The following FRMPD4 variants were observed in gnomAD, a reference collection of about 807,000 sequenced individuals.
FRMPD4 encodes the protein FERM and PDZ domain containing 4.
FRMPD4 carries 22 observed loss-of-function variants against 94.1 expected under a neutral mutation model. That is an observed-to-expected ratio of 0.23 (90% CI 0.17 to 0.33). The LOEUF (loss-of-function observed/expected upper bound fraction) is 0.33, where lower values mean the gene tolerates loss of function less well. Among genes scored for constraint, FRMPD4 ranks in the 10% least tolerant of loss-of-function variants. FRMPD4 has a pLI of 1.00. For synonymous variants in FRMPD4, 631 were observed against 548.6 expected (o/e 1.15, Z -2.10); for missense variants, 1,111 against 1,339.9 (o/e 0.83, Z 2.67).
At chrX:11,928,865 G>A (rs770547388) in intron 3 of FRMPD4, among the ~76,000 whole-genome samples, 14 of 112,511 alleles carry the variant, frequency 1.2e-4, no homozygotes, top group South Asian at 3.7e-4. Flanking sequence ...AAACCTAAAC[G>A]CCCATCAATG....
chrX:12,419,420 G>C (rs889951819), intron 1 of FRMPD4, among the ~76,000 whole-genome samples: 42 of 111,952 alleles, frequency 3.8e-4, no homozygotes, highest in African/African-American at 1.2e-3. Context: ...TGGAAAATAT[G>C]GTTATGTTTT....
chrX:12,550,847 A>C (rs2058529079), intron 2 of FRMPD4, among the ~76,000 whole-genome samples: 1 of 111,078 alleles, frequency 9.0e-6, no homozygotes, highest in African/African-American at 3.3e-5. Flanking sequence ...ATATAAGAAT[A>C]TAGCAAATAT....
intron 3 of FRMPD4, among the ~76,000 whole-genome samples, chrX:12,044,787 T>C (rs192310527): frequency 8.9e-6 from 1 of 112,449 alleles, no homozygotes; most frequent in East Asian, 2.8e-4. Flanking sequence ...TATCATAGGC[T>C]CTCTGAATTT....
chrX:12,403,673 C>T (rs1403514685), intron 1 of FRMPD4, among the ~76,000 whole-genome samples: 3 of 111,394 alleles, frequency 2.7e-5, no homozygotes, highest in Non-Finnish European at 5.7e-5. Flanking sequence ...CAGTAAATAC[C>T]TGTTGAATAT....
rs541252700 is a variant in FRMPD4, at chrX:12,594,638, C to T, written c.159-15083C>T. Among the ~76,000 whole-genome samples the T allele has an allele frequency of 4.9e-4, 54 of 109,897 alleles. No individual in the cohort carries two copies. In the South Asian group the frequency reaches 0.02, roughly 40 times the overall value. On this transcript the variant is annotated intron_variant, in intron 2 of 16. Transcript: ENST00000675598. ...TCTTAGTAGAGATGGGGTTTCACCG[C>T]GTTAGCCAGGATGGTCTCGATCTCC...
chrX:12,531,984 C>A (rs2058290319), intron 2 of FRMPD4, among the ~76,000 whole-genome samples: 1 of 111,843 alleles, frequency 8.9e-6, no homozygotes, highest in Admixed American at 9.5e-5. Context: ...CAAACACTCA[C>A]AATCGATTAA....
chrX:12,107,321 G>A (rs2055308443), intron 3 of FRMPD4, among the ~76,000 whole-genome samples: 1 of 112,114 alleles, frequency 8.9e-6, no homozygotes, highest in Non-Finnish European at 1.9e-5. Flanking sequence ...AACTCCAACA[G>A]ACCTGCAGCT....
intron 3 of FRMPD4, among the ~76,000 whole-genome samples, chrX:12,128,214 T>C (rs755691128): frequency 6.6e-4 from 75 of 113,448 alleles, no homozygotes; most frequent in African/African-American, 2.2e-3. Flanking sequence ...TGCAGCAAAC[T>C]TCTGCCTGGA....
intron 2 of FRMPD4, among the ~76,000 whole-genome samples, chrX:12,539,016 C>T (rs919524783): frequency 1.5e-4 from 17 of 111,615 alleles, no homozygotes; most frequent in African/African-American, 4.9e-4. Flanking sequence ...TCAAACCCAT[C>T]GCAAAGAAGC....
intron 3 of FRMPD4, among the ~76,000 whole-genome samples, chrX:12,058,140 G>A (rs1601908988): frequency 1.8e-5 from 2 of 111,580 alleles, no homozygotes; most frequent in East Asian, 5.6e-4. Context: ...TAGGCCCACA[G>A]ACCAGACAAT....
chrX:12,410,987 G>A lies in FRMPD4; in HGVS notation c.42-87693G>A, dbSNP rs1370864850. 9.0e-5 allele frequency among the ~76,000 whole-genome samples: 10 copies of A among 111,717 alleles called. No homozygotes were observed. The Admixed American group carries it at 9.5e-4, about 11-fold the overall frequency. ...GTTAAGGTATTCCTAAAACTTCATCGCATTCAGAACCCCTTCTGAGTGCCT... is the reference window on the plus strand; with the variant it reads ...GTTAAGGTATTCCTAAAACTTCATCACATTCAGAACCCCTTCTGAGTGCCT... On this transcript the variant is annotated intron_variant, in intron 1 of 16. Transcript: ENST00000675598.
chrX:12,142,453 C>T (rs2055704905), intron 1 of FRMPD4, among the ~76,000 whole-genome samples: 1 of 111,200 alleles, frequency 9.0e-6, no homozygotes, highest in East Asian at 2.8e-4. Context: ...CAGGGTTTTT[C>T]CCATATCCCC....
chrX:11,863,733 A>G (rs1292659715), intron 1 of FRMPD4, among the ~76,000 whole-genome samples: 1 of 112,217 alleles, frequency 8.9e-6, no homozygotes, highest in African/African-American at 3.2e-5. Flanking sequence ...TGAGGTAAAA[A>G]GAATTGATGT....
chrX:12,166,809 T>C (rs2056127947), intron 1 of FRMPD4, among the ~76,000 whole-genome samples: 1 of 112,081 alleles, frequency 8.9e-6, no homozygotes, highest in Non-Finnish European at 1.9e-5. Context: ...AATTTATCCA[T>C]TTCTTCTAGA....
At chrX:12,645,447 C>T (rs1192112611) in intron 4 of FRMPD4, among the ~76,000 whole-genome samples, 5 of 104,061 alleles carry the variant, frequency 4.8e-5, no homozygotes, top group Admixed American at 1.0e-4. Flanking sequence ...CCTTCACCTC[C>T]CGGGTTCAAG....
At chrX:12,505,439 A>G (rs1316553587) in intron 2 of FRMPD4, among the ~76,000 whole-genome samples, 2 of 110,952 alleles carry the variant, frequency 1.8e-5, no homozygotes, top group Middle Eastern at 4.2e-3. Flanking sequence ...TAAAAGAAGG[A>G]GAGCAGGGCC....
intron 1 of FRMPD4, among the ~76,000 whole-genome samples, chrX:12,489,471 C>T (rs765679689): frequency 8.9e-6 from 1 of 112,290 alleles, no homozygotes; most frequent in East Asian, 2.8e-4. Flanking sequence ...GGTTATGAGT[C>T]ATCCATAAAT....
chrX:12,028,840 A>T (rs1366464397), intron 3 of FRMPD4, among the ~76,000 whole-genome samples: 1 of 111,948 alleles, frequency 8.9e-6, no homozygotes, highest in Non-Finnish European at 1.9e-5. Context: ...GATGAATAAT[A>T]TTCCATTGTC....
At chrX:12,418,122 T>C (rs957181123) in intron 1 of FRMPD4, among the ~76,000 whole-genome samples, 1 of 108,949 alleles carries the variant, frequency 9.2e-6, no homozygotes, top group African/African-American at 3.3e-5. Context: ...TGGAATAACG[T>C]GTTCTAAAAT....
Sources: allele counts gnomAD v4.1 joint callset (sites outside exome capture counted in the v4.1 genomes callset), GRCh38; gene constraint gnomAD v4.1.1; transcripts MANE v1.5; gene names NCBI Gene and HGNC (gene_info 2026-07-23, HGNC 2026-07-21).